MIAT: variants seen among roughly 807,000 people sequenced by gnomAD.
The protein encoded by MIAT is myocardial infarction associated transcript, also known as MI related novel mRNA.
At chr22:26,664,171 C>T (rs6519660) in intron 3 of MIAT, among the ~76,000 whole-genome samples, 28,566 of 151,838 alleles carry the variant, frequency 0.19, 3,026 homozygotes, top group Non-Finnish European at 0.23. Context: ...ACCACCACAC[C>T]CGGCTGATTT....
At position 26,652,364 on chromosome 22, in the gene MIAT, A is replaced by AT. The variant is rs199615345; in HGVS notation, n.646+5063dup. On this transcript the variant is annotated intron_variant and non_coding_transcript_variant, in intron 2 of 5. Transcript: ENST00000643270. ...TCTCTCTTTATTTATTCATTCATTT[A>AT]TTTTTTTTTTGAGACGGAGTCTCAC... 9.8e-4 allele frequency among the ~76,000 whole-genome samples: 144 copies of AT among 146,572 alleles called. No homozygotes were observed. In the East Asian group the frequency reaches 0.013, roughly 13 times the overall value.
chr22:26,647,888 G>A (rs1178655463), intron 2 of MIAT, among the ~76,000 whole-genome samples: 2 of 151,772 alleles, frequency 1.3e-5, no homozygotes, highest in Non-Finnish European at 2.9e-5. Flanking sequence ...TGCATTGGGT[G>A]TGGGGGCCGT....
At chr22:26,668,603 GGACC>G in exon 6 of MIAT, 1 of 398,900 alleles carries the variant, frequency 2.5e-6, no homozygotes, top group Non-Finnish European at 4.4e-6. Context: ...GGGTCTCAAA[GGACC>G]CTACAGGATG....
At chr22:26,663,980 T>C (rs1323729855) in intron 3 of MIAT, among the ~76,000 whole-genome samples, 56 of 148,450 alleles carry the variant, frequency 3.8e-4, no homozygotes, top group Admixed American at 3.8e-3. Flanking sequence ...TAATGTTCCA[T>C]ATATATGGAA....
At chr22:26,664,894 T>A (rs1163468203) in intron 3 of MIAT, among the ~76,000 whole-genome samples, 1 of 152,188 alleles carries the variant, frequency 6.6e-6, no homozygotes, top group East Asian at 1.9e-4. Context: ...GTGGTGAAAA[T>A]AATTTTTGGA....
chr22:26,672,913 C>T, downstream of MIAT: 1 of 398,596 alleles, frequency 2.5e-6, no homozygotes, highest in Non-Finnish European at 4.4e-6. Flanking sequence ...AGTGAGAGGA[C>T]TCTTTCCCAC....
intron 5 of MIAT, among the ~76,000 whole-genome samples, chr22:26,667,518 C>T (rs1340381770): frequency 6.6e-6 from 1 of 152,096 alleles, no homozygotes; most frequent in African/African-American, 2.4e-5. Flanking sequence ...TCAAAGGCCT[C>T]TGAAAGTCCT....
At chr22:26,672,876 A>G (rs1203370379), downstream of MIAT, 5 of 398,452 alleles carry the variant, frequency 1.3e-5, no homozygotes, top group South Asian at 2.5e-4. Context: ...AAGGCCGGAA[A>G]GAGGGACATT....
At chr22:26,659,840 C>T (rs4822762) in intron 2 of MIAT, among the ~76,000 whole-genome samples, 41,968 of 93,924 alleles carry the variant, frequency 0.45, 8,030 homozygotes, top group South Asian at 0.5. Flanking sequence ...TTCTTTCTTT[C>T]TTTTTTTTTT....
intron 2 of MIAT, among the ~76,000 whole-genome samples, chr22:26,658,725 C>T (rs1930549309): frequency 6.6e-6 from 1 of 152,218 alleles, no homozygotes; most frequent in South Asian, 2.1e-4. Flanking sequence ...ATTGTTGGCG[C>T]GCACACCCCA....
intron 5 of MIAT, chr22:26,667,412 GTGTA>G (rs57527974): frequency 0.43 from 169,008 of 395,414 alleles, 37,550 homozygotes; most frequent in South Asian, 0.49. Flanking sequence ...GTGTGTGCGC[GTGTA>G]TGTGTGTGTA....
At chr22:26,669,839 C>T, downstream of MIAT, 1 of 398,868 alleles carries the variant, frequency 2.5e-6, no homozygotes, top group Admixed American at 4.4e-5. Flanking sequence ...GGCGGAGGCC[C>T]TGGGAGAGCC....
At chr22:26,665,561 A>C (rs1930816566) in exon 4 of MIAT, 1 of 398,814 alleles carries the variant, frequency 2.5e-6, no homozygotes, top group Admixed American at 4.4e-5. Context: ...CAGAGGAGAC[A>C]GAAGGGAATT....
At chr22:26,665,247 A>AAAAGAAAAGAAAGAAAGAAAG (rs1930801339) in intron 3 of MIAT, among the ~76,000 whole-genome samples, 1 of 144,156 alleles carries the variant, frequency 6.9e-6, no homozygotes, top group Admixed American at 7.0e-5. Flanking sequence ...TCTCCAGAAA[A>AAAAGAAAAGAAAGAAAGAAAG]AAAGAAAGAA....
chr22:26,656,562 C>T (rs1930462690), intron 2 of MIAT, among the ~76,000 whole-genome samples: 1 of 151,068 alleles, frequency 6.6e-6, no homozygotes, highest in Admixed American at 6.6e-5. Flanking sequence ...AGGTGATCCA[C>T]CCGCCTTGGC....
intron 3 of MIAT, among the ~76,000 whole-genome samples, chr22:26,664,259 G>A (rs187601836): frequency 2.0e-5 from 3 of 151,894 alleles, no homozygotes; most frequent in Non-Finnish European, 2.9e-5. Flanking sequence ...TGGTCGCCTC[G>A]GCCTCCCAAA....
At chr22:26,669,436 T>G (rs1021895286) in exon 6 of MIAT, 4 of 398,536 alleles carry the variant, frequency 1.0e-5, no homozygotes, top group Non-Finnish European at 1.8e-5. Context: ...CATGGCCTTT[T>G]CTCTGTGGAG....
intron 5 of MIAT, chr22:26,668,125 G>C: frequency 2.5e-6 from 1 of 398,550 alleles, no homozygotes. Flanking sequence ...TGGAGGCTGT[G>C]GCCTCATCCT....
At chr22:26,652,647 C>T (rs1167566481) in intron 2 of MIAT, among the ~76,000 whole-genome samples, 13 of 152,230 alleles carry the variant, frequency 8.5e-5, no homozygotes, top group East Asian at 3.9e-4. Flanking sequence ...TGAGCCACTG[C>T]GCCTGGCCCT....
Sources: gnomAD v4.1 joint callset for allele counts (sites outside exome capture counted in the v4.1 genomes callset) on GRCh38, gnomAD v4.1.1 for gene constraint, MANE v1.5 for transcripts, NCBI Gene and HGNC (gene_info 2026-07-23, HGNC 2026-07-21) for gene names.